Variants in TMX3 observed in about 807,000 individuals in gnomAD.
TMX3 encodes protein disulfide-isomerase TMX3.
In TMX3, 40 loss-of-function variants were observed where a neutral mutation model predicts 64.4. The observed-to-expected ratio is 0.62, with a 90% CI of 0.48 to 0.81. TMX3 has a LOEUF of 0.81. Ranked by LOEUF, TMX3 falls within the 30% of genes least tolerant of loss-of-function variation. The probability of loss-of-function intolerance (pLI) is 0.00; values close to 1 mark genes in which losing one functional copy is unlikely to be tolerated. For missense variants in TMX3, 497 were observed against 534.5 expected (o/e 0.93, Z 0.69); for synonymous variants, 189 against 175.7 (o/e 1.08, Z -0.60).
chr18:68,673,964 G>T lies in TMX3; in HGVS notation c.*2969C>A, dbSNP rs920480106. 1 of 152,070 alleles carries T rather than the reference G, an allele frequency of 6.6e-6. No individual in the cohort carries two copies. The highest frequency in any genetic ancestry group is 1.5e-5 in the Non-Finnish European group (1 of 68,002). 9.4% of individuals were successfully genotyped at this position (152,070 alleles called of 1,614,324 possible). On this transcript the variant is annotated 3_prime_UTR_variant, in exon 16 of 16. Coordinates refer to ENST00000299608, the MANE Select transcript of TMX3 (RefSeq NM_019022.5). ...GATCATTTAATGCATAAGGAGTGTTGAATGATTTTTCCCTGTCCTAACTCC... is the reference window on the plus strand; with the variant it reads ...GATCATTTAATGCATAAGGAGTGTTTAATGATTTTTCCCTGTCCTAACTCC...
intron 4 of TMX3, chr18:68,706,424 A>G (rs953248894): frequency 6.6e-6 from 1 of 152,164 alleles, no homozygotes; most frequent in Non-Finnish European, 1.5e-5. Context: ...AAAAATAAAG[A>G]AATAAAGAAA....
At chr18:68,680,500 G>A (rs1414009908) in intron 14 of TMX3, among the ~76,000 whole-genome samples, 2 of 152,022 alleles carry the variant, frequency 1.3e-5, no homozygotes, top group Non-Finnish European at 2.9e-5. Context: ...CTCTCCACGG[G>A]GGCTTTTACT....
rs1914502129 is a variant in TMX3 at position 68,691,329 on chromosome 18, A to G, written c.603T>C (p.Leu201=). Residue 201 remains leucine, a synonymous_variant, in exon 9 of 16, where the codon CTT becomes CTC. Coordinates refer to ENST00000299608, the MANE Select transcript of TMX3 (RefSeq NM_019022.5). Reference sequence around the variant, plus strand: ...CAAAGTAAGTTTCATCTTTGAAAACAAGCACAGCTGGCATCTCTTTTAGTG... The same window carrying G: ...CAAAGTAAGTTTCATCTTTGAAAACGAGCACAGCTGGCATCTCTTTTAGTG... ...YVTLKEMPAV[L]VFKDETYFVY... 1.3e-6 allele frequency: 2 copies of G among 1,582,330 alleles called. No individual in the cohort carries two copies. The highest frequency in any genetic ancestry group is 1.7e-6 in the Non-Finnish European group (2 of 1,161,252).
chr18:68,683,307 T>TA (rs995998308), intron 12 of TMX3, among the ~76,000 whole-genome samples: 1 of 151,958 alleles, frequency 6.6e-6, no homozygotes, highest in Non-Finnish European at 1.5e-5. Context: ...CTATTTTCTC[T>TA]AAAAAAAGGA....
intron 5 of TMX3, 139 bp from the exon 6 acceptor site, chr18:68,700,624 A>G: frequency 9.5e-7 from 1 of 1,049,816 alleles, no homozygotes; most frequent in Non-Finnish European, 1.3e-6. Flanking sequence ...GCTCTCATGT[A>G]AAATATGGTA....
chr18:68,694,610 C>T (rs897277267), intron 8 of TMX3, among the ~76,000 whole-genome samples: 4 of 151,992 alleles, frequency 2.6e-5, no homozygotes, highest in Non-Finnish European at 1.5e-5. Context: ...CCAGTGGGCG[C>T]AAGCAAAACC....
At chr18:68,701,633 G>A (rs1022293699) in intron 5 of TMX3, 112 bp downstream of exon 5, 2 of 1,549,528 alleles carry the variant, frequency 1.3e-6, no homozygotes, top group South Asian at 2.3e-5. Flanking sequence ...ATGAAGAATG[G>A]CCAAACCCCA....
chr18:68,689,004 T>C (rs1433548829), intron 9 of TMX3: 1 of 152,132 alleles, frequency 6.6e-6, no homozygotes, highest in Non-Finnish European at 1.5e-5. Flanking sequence ...CATCATCCAA[T>C]ACACCCATGT....
At chr18:68,701,443 C>A in intron 5 of TMX3, among the ~76,000 whole-genome samples, 1 of 152,116 alleles carries the variant, frequency 6.6e-6, no homozygotes, top group Non-Finnish European at 1.5e-5. Context: ...ATCTCACAAT[C>A]CACACTTGAA....
At chr18:68,694,925 T>C (rs571301970) in intron 8 of TMX3, among the ~76,000 whole-genome samples, 2 of 152,244 alleles carry the variant, frequency 1.3e-5, no homozygotes, top group Admixed American at 1.3e-4. Flanking sequence ...CACTTACCTT[T>C]GTGAAAAGAA....
At chr18:68,708,011 ATATGTGTATATATGTG>A (rs1303113924) in intron 4 of TMX3, among the ~76,000 whole-genome samples, 2 of 149,034 alleles carry the variant, frequency 1.3e-5, no homozygotes, top group African/African-American at 5.1e-5. Flanking sequence ...ATATATGTGT[ATATGTGTATATATGTG>A]TATATGTGTA....
At chr18:68,685,752 G>A (rs1366841429) in intron 10 of TMX3, among the ~76,000 whole-genome samples, 1 of 152,072 alleles carries the variant, frequency 6.6e-6, no homozygotes, top group Admixed American at 6.5e-5. Flanking sequence ...TCAAATAAAT[G>A]TCCCATTAAA....
intron 5 of TMX3, 174 bp downstream of exon 5, chr18:68,701,571 C>A (rs941515600): frequency 2.1e-6 from 3 of 1,445,536 alleles, no homozygotes; most frequent in African/African-American, 1.4e-5. Flanking sequence ...TGCTTAAATA[C>A]GAAGAAAAGC....
At chr18:68,687,568 G>C (rs1914085487) in intron 10 of TMX3, 99 bp downstream of exon 10, 3 of 1,507,464 alleles carry the variant, frequency 2.0e-6, no homozygotes, top group Admixed American at 2.5e-5. Flanking sequence ...AAATTAAGTT[G>C]AGAAATAGAG....
At position 68,675,559 on chromosome 18, in the gene TMX3, C is replaced by T. The variant is rs879451048; in HGVS notation, c.*1374G>A. 1.2e-3 allele frequency: 184 copies of T among 152,216 alleles called. No individual in the cohort carries two copies. Among genetic ancestry groups the T allele is most frequent in the African/African-American group, 4.0e-3 (166 of 41,548 alleles). 9.4% of individuals were successfully genotyped at this position (152,216 alleles called of 1,614,324 possible). ...ACGTCAGTGTCCAGACCATGAATTACATATTTTTTGACCATGCATTACATT... is the reference window on the plus strand; with the variant it reads ...ACGTCAGTGTCCAGACCATGAATTATATATTTTTTGACCATGCATTACATT... On this transcript the variant is annotated 3_prime_UTR_variant, in exon 16 of 16. Coordinates refer to ENST00000299608, the MANE Select transcript of TMX3 (RefSeq NM_019022.5).
At chr18:68,681,379 C>T (rs1319183024) in intron 13 of TMX3, 1 of 718,840 alleles carries the variant, frequency 1.4e-6, no homozygotes, top group Non-Finnish European at 1.7e-6. Context: ...CATTTTATAA[C>T]ATATGTATTG....
At chr18:68,708,813 T>C (rs949565616) in intron 4 of TMX3, among the ~76,000 whole-genome samples, 2 of 152,132 alleles carry the variant, frequency 1.3e-5, no homozygotes, top group Admixed American at 1.3e-4. Flanking sequence ...CGTGCAGCCA[T>C]TGTGCTAGGG....
At chr18:68,700,839 G>A (rs2029985624) in intron 5 of TMX3, 3 of 984,682 alleles carry the variant, frequency 3.0e-6, no homozygotes, top group Non-Finnish European at 3.6e-6. Context: ...GTAAATGAAA[G>A]GACAGGGAAA....
rs1424396281 is a variant in TMX3, at chr18:68,676,916, T to A, written c.*17A>T. On this transcript the variant is annotated 3_prime_UTR_variant, in exon 16 of 16. Coordinates refer to ENST00000299608, the MANE Select transcript of TMX3 (RefSeq NM_019022.5). ...AATAATTTGAAGTCCTAACAAATAT[T>A]TTATAGTCATCAAGTCTCAATCTTT... is the stretch of plus-strand genomic sequence containing the variant. 6.2e-7 allele frequency: 1 copy of A among 1,602,654 alleles called. No homozygotes were observed. The highest frequency in any genetic ancestry group is 1.7e-5 in the Admixed American group (1 of 57,490).
Sources: gnomAD v4.1 joint callset for allele counts (sites outside exome capture counted in the v4.1 genomes callset) on GRCh38, gnomAD v4.1.1 for gene constraint, MANE v1.5 for transcripts, NCBI Gene and HGNC (gene_info 2026-07-23, HGNC 2026-07-21) for gene names.